CHCHD3: variants seen among roughly 807,000 people sequenced by gnomAD.
CHCHD3 encodes the protein MICOS complex subunit MIC19.
Under a neutral mutation model 38.2 loss-of-function variants are expected in CHCHD3, and 20 were observed. That is an observed-to-expected ratio of 0.52 (90% confidence interval 0.37 to 0.76). The LOEUF (loss-of-function observed/expected upper bound fraction) is 0.76. Among genes scored for constraint, CHCHD3 ranks in the 30% least tolerant of loss-of-function variants. CHCHD3 has a pLI of 0.00. For missense variants in CHCHD3, 245 were observed against 279.2 expected (o/e 0.88, Z 0.87); for synonymous variants, 82 against 100.0 (o/e 0.82, Z 1.07).
At chr7:133,017,923 GA>G (rs1357161517) in intron 3 of CHCHD3, among the ~76,000 whole-genome samples, 1 of 152,178 alleles carries the variant, frequency 6.6e-6, no homozygotes, top group African/African-American at 2.4e-5. Flanking sequence ...GATGGCACAA[GA>G]TTCCAATACC....
intron 2 of CHCHD3, among the ~76,000 whole-genome samples, chr7:133,059,076 AAGAGCAGGCCTCAGAG>A (rs1386168760): frequency 2.0e-5 from 3 of 152,146 alleles, no homozygotes; most frequent in Non-Finnish European, 4.4e-5. Flanking sequence ...CTAGACTTCA[AAGAGCAGGCCTCAGAG>A]GCTTGAGGAA....
rs181962059 is a variant in CHCHD3 at position 132,906,065 on chromosome 7, C to T, written c.370-20320G>A. Among the ~76,000 whole-genome samples the T allele has an allele frequency of 1.1e-4, 17 of 152,242 alleles. No individual in the cohort carries two copies. The East Asian group carries it at 2.7e-3, about 24-fold the overall frequency. On this transcript the variant is annotated intron_variant, in intron 4 of 7. Transcript: ENST00000262570. ...ACTGCACTGGCCACAAAAATTATAA[C>T]TATGTGAGATAAAGCATTTGGTAAT...
intron 5 of CHCHD3, among the ~76,000 whole-genome samples, chr7:132,879,715 G>GAAAAAAAA (rs1809001966): frequency 7.5e-4 from 2 of 2,652 alleles, no homozygotes; most frequent in African/African-American, 1.8e-3. Flanking sequence ...TTTGTCAAAA[G>GAAAAAAAA]TAAAAAAAAA....
chr7:133,033,200 T>G (rs1438203586), intron 2 of CHCHD3, among the ~76,000 whole-genome samples: 1 of 152,190 alleles, frequency 6.6e-6, no homozygotes, highest in Non-Finnish European at 1.5e-5. Context: ...AGTTTCACTC[T>G]TGGAAAATTC....
In CHCHD3 at chr7:133,059,136, A is replaced by G. The variant is rs73724160; in HGVS notation, c.169+11006T>C. On this transcript the variant is annotated intron_variant, in intron 2 of 7. Transcript: ENST00000262570. ...TGGCAGAAAGACCACTCTTTCAAGA[A>G]GAAAATAAGTCATGATCCTCAAGTG... Among the ~76,000 whole-genome samples the G allele has an allele frequency of 4.5e-3, 684 of 152,340 alleles. 5 individuals are homozygous for G. Among genetic ancestry groups the G allele is most frequent in the African/African-American group, 0.016 (652 of 41,576 alleles).
At chr7:132,972,931 G>A (rs1811647791) in intron 4 of CHCHD3, 1 of 985,256 alleles carries the variant, frequency 1.0e-6, no homozygotes, top group South Asian at 4.7e-5. Flanking sequence ...CAATAGACAA[G>A]ATTTATTAGG....
intron 2 of CHCHD3, among the ~76,000 whole-genome samples, chr7:133,052,858 A>G (rs1814208213): frequency 6.6e-6 from 1 of 152,234 alleles, no homozygotes; most frequent in African/African-American, 2.4e-5. Flanking sequence ...GCTCATTTGT[A>G]TATTCGTCAT....
chr7:132,859,104 G>A (rs1310852899), intron 5 of CHCHD3, among the ~76,000 whole-genome samples: 1 of 152,136 alleles, frequency 6.6e-6, no homozygotes, highest in Non-Finnish European at 1.5e-5. Context: ...TGTATTGAAT[G>A]CCTTATGAAA....
At chr7:133,064,793 A>G (rs1269420530) in intron 2 of CHCHD3, among the ~76,000 whole-genome samples, 2 of 152,194 alleles carry the variant, frequency 1.3e-5, no homozygotes, top group Non-Finnish European at 2.9e-5. Context: ...AAGTTAGGTC[A>G]TTTGTCTTGT....
At chr7:132,841,190 A>C (rs755055823) in intron 5 of CHCHD3, among the ~76,000 whole-genome samples, 1 of 152,218 alleles carries the variant, frequency 6.6e-6, no homozygotes, top group Non-Finnish European at 1.5e-5. Context: ...CTGTGAAAGA[A>C]AATTAAATTC....
intron 3 of CHCHD3, among the ~76,000 whole-genome samples, chr7:132,980,422 T>G (rs1354526354): frequency 6.6e-6 from 1 of 152,254 alleles, no homozygotes; most frequent in Non-Finnish European, 1.5e-5. Flanking sequence ...CCTGCTCTAA[T>G]ATATTCTACA....
At chr7:133,029,502 T>TG (rs1414833834) in intron 2 of CHCHD3, among the ~76,000 whole-genome samples, 11 of 152,224 alleles carry the variant, frequency 7.2e-5, no homozygotes, top group Admixed American at 2.6e-4. Flanking sequence ...TTTGTCTTTC[T>TG]GTGTCTGGCT....
chr7:132,935,456 T>C lies in CHCHD3; in HGVS notation c.369+39713A>G, dbSNP rs1810613488. Reference sequence around the variant, plus strand: ...AAATCACAAGTAGTAGTACTTCCTATGTATGAATTAAAATCTGTGTGTACT... The same window carrying C: ...AAATCACAAGTAGTAGTACTTCCTACGTATGAATTAAAATCTGTGTGTACT... On this transcript the variant is annotated intron_variant, in intron 4 of 7. Transcript: ENST00000262570. 1.3e-5 allele frequency among the ~76,000 whole-genome samples: 2 copies of C among 152,226 alleles called. 1 individual carries two copies. The highest frequency in any genetic ancestry group is 1.3e-4 in the Admixed American group (2 of 15,276).
chr7:133,043,502 C>T lies in CHCHD3; in HGVS notation c.170-18875G>A, dbSNP rs373588672. Among the ~76,000 whole-genome samples, 30 of 152,048 alleles carry T rather than the reference C, an allele frequency of 2.0e-4. No homozygotes were observed. The East Asian group carries it at 2.7e-3, about 14-fold the overall frequency. ...ACTAAAAATATAAAAATTAGCTGGG[C>T]GTGGTGGTGCATGCCTGTAGTCCCA... On this transcript the variant is annotated intron_variant, in intron 2 of 7. Transcript: ENST00000262570.
chr7:133,027,562 G>A (rs1813382144), intron 2 of CHCHD3, among the ~76,000 whole-genome samples: 1 of 152,064 alleles, frequency 6.6e-6, no homozygotes, highest in Admixed American at 6.6e-5. Context: ...CAATCTAGGG[G>A]AACTTTGGGA....
intron 4 of CHCHD3, among the ~76,000 whole-genome samples, chr7:132,969,970 T>G (rs1156667368): frequency 6.6e-6 from 1 of 152,128 alleles, no homozygotes; most frequent in Non-Finnish European, 1.5e-5. Flanking sequence ...ATACAACCAT[T>G]GACCAGCATT....
At chr7:132,875,509 CT>C (rs1337726703) in intron 5 of CHCHD3, among the ~76,000 whole-genome samples, 2 of 152,146 alleles carry the variant, frequency 1.3e-5, no homozygotes, top group Non-Finnish European at 2.9e-5. Context: ...AACCTACTAA[CT>C]TTCCCCCCAA....
chr7:133,046,667 A>G (rs766404720), intron 2 of CHCHD3, among the ~76,000 whole-genome samples: 1 of 151,922 alleles, frequency 6.6e-6, no homozygotes, highest in Non-Finnish European at 1.5e-5. Context: ...GGTTCATGCC[A>G]TTCTCCCGCC....
At chr7:132,856,247 G>A (rs924834618) in intron 5 of CHCHD3, among the ~76,000 whole-genome samples, 2 of 152,118 alleles carry the variant, frequency 1.3e-5, no homozygotes, top group African/African-American at 2.4e-5. Context: ...CCATCCATGA[G>A]AGACAAAGCA....
Sources: allele counts gnomAD v4.1 joint callset (sites outside exome capture counted in the v4.1 genomes callset), GRCh38; gene constraint gnomAD v4.1.1; transcripts MANE v1.5; gene names NCBI Gene and HGNC (gene_info 2026-07-23, HGNC 2026-07-21).